Variants in PKHD1 observed in about 807,000 individuals in gnomAD.
The protein encoded by PKHD1 is PKHD1 ciliary IPT domain containing fibrocystin/polyductin.
In PKHD1, 291 loss-of-function variants were observed where a neutral mutation model predicts 412.0. The ratio of observed to expected loss-of-function variants is 0.71; its 90% CI spans 0.64 to 0.78. PKHD1 has a LOEUF of 0.78. PKHD1 is among the 30% of genes least tolerant of loss of function. PKHD1 has a pLI of 0.00. For missense variants in PKHD1, 4,825 were observed against 4,950.7 expected (o/e 0.97, Z 0.76); for synonymous variants, 1,777 against 1,821.5 (o/e 0.98, Z 0.62).
At chr6:51,779,657 G>A (rs2151184089) in intron 53 of PKHD1, among the ~76,000 whole-genome samples, 1 of 152,018 alleles carries the variant, frequency 6.6e-6, no homozygotes, top group South Asian at 2.1e-4. Flanking sequence ...AATTTCACCA[G>A]TAAATTACAA....
intron 50 of PKHD1, among the ~76,000 whole-genome samples, chr6:51,842,986 T>A (rs1227831553): frequency 6.6e-6 from 1 of 152,240 alleles, no homozygotes. Flanking sequence ...CCCTTTGAAG[T>A]GGAGCTGAGC....
intron 5 of PKHD1, among the ~76,000 whole-genome samples, chr6:52,079,083 T>C (rs969472580): frequency 5.9e-5 from 9 of 152,128 alleles, no homozygotes; most frequent in Admixed American, 5.2e-4. Flanking sequence ...TAAACAGAGG[T>C]ACCCCATGTG....
chr6:51,761,284 A>G (rs757278708), intron 55 of PKHD1, among the ~76,000 whole-genome samples: 1 of 152,128 alleles, frequency 6.6e-6, no homozygotes, highest in Non-Finnish European at 1.5e-5. Context: ...ATCAACATAG[A>G]TGAACCTGGA....
chr6:51,937,333 C>T (rs1266894), intron 36 of PKHD1, among the ~76,000 whole-genome samples: 2,886 of 152,262 alleles, frequency 0.019, 88 homozygotes, highest in African/African-American at 0.065. Context: ...CAAGCTGTAG[C>T]CTGACCATCT....
intron 53 of PKHD1, among the ~76,000 whole-genome samples, chr6:51,781,646 G>A (rs1469590589): frequency 6.6e-6 from 1 of 151,856 alleles, no homozygotes; most frequent in Admixed American, 6.6e-5. Flanking sequence ...AATAGTATAT[G>A]GCACAGTGTC....
At chr6:51,940,062 G>A (rs555052704) in intron 36 of PKHD1, among the ~76,000 whole-genome samples, 4 of 151,472 alleles carry the variant, frequency 2.6e-5, no homozygotes, top group African/African-American at 9.7e-5. Context: ...TTAGCATTTA[G>A]GCTCTTTTTC....
chr6:51,687,552 C>T (rs1438217807), intron 60 of PKHD1, among the ~76,000 whole-genome samples: 2 of 152,186 alleles, frequency 1.3e-5, no homozygotes, highest in Non-Finnish European at 2.9e-5. Flanking sequence ...CCATTGCACA[C>T]ATTTTGCCAC....
At chr6:51,862,842 G>A (rs2151731753) in intron 48 of PKHD1, among the ~76,000 whole-genome samples, 1 of 152,262 alleles carries the variant, frequency 6.6e-6, no homozygotes, top group South Asian at 2.1e-4. Flanking sequence ...CCACCTGGGA[G>A]GTTTTGCTGG....
chr6:52,042,751 G>A, intron 27 of PKHD1, 108 bp downstream of exon 27: 1 of 996,570 alleles, frequency 1.0e-6, no homozygotes, highest in Non-Finnish European at 1.6e-6. Flanking sequence ...ACAAAAGACA[G>A]TGAGTCACAG....
At chr6:51,910,538 T>G (rs1338796576) in intron 39 of PKHD1, among the ~76,000 whole-genome samples, 1 of 152,166 alleles carries the variant, frequency 6.6e-6, no homozygotes, top group Non-Finnish European at 1.5e-5. Context: ...AGAAATGACT[T>G]ATTTTGAGAA....
intron 50 of PKHD1, among the ~76,000 whole-genome samples, chr6:51,846,564 A>G (rs1771195278): frequency 6.6e-6 from 1 of 152,226 alleles, no homozygotes; most frequent in Non-Finnish European, 1.5e-5. Flanking sequence ...CAGAGAGACC[A>G]ATGCTGACAT....
Position 51,791,317 on chromosome 6 carries a change from C to G in PKHD1, c.8359G>C (p.Gly2787Arg). The change falls in exon 53 of 67, where the codon GGG becomes CGG. Residue 2787 changes from glycine (G) to arginine (R), a missense_variant. Transcript: ENST00000371117. ...CTGTCCACAGGGAAGTCTAAGGTCCCCATCACATACAGCCCTTTGAAGAAT... is the reference window on the plus strand; with the variant it reads ...CTGTCCACAGGGAAGTCTAAGGTCCGCATCACATACAGCCCTTTGAAGAAT... ...LPFFKGLYVM[G>R]TLDFPVDRSN... 1 of 1,613,208 alleles carries G rather than the reference C, an allele frequency of 6.2e-7. No individual in the cohort carries two copies. The highest frequency in any genetic ancestry group is 8.5e-7 in the Non-Finnish European group (1 of 1,179,200).
At position 51,830,751 on chromosome 6, in the gene PKHD1, G is replaced by A. The variant is rs771501158; in HGVS notation, c.8302+110C>T. ...AGAGGAAGAATGAAACAACATAAGT[G>A]CCTACTTATTTCCAAACTCTTTACT... On this transcript the variant is annotated intron_variant, in intron 52 of 66. Transcript: ENST00000371117. 3.6e-4 allele frequency: 365 copies of A among 1,023,928 alleles called. 2 individuals carry two copies. Among genetic ancestry groups the A allele is most frequent in the Non-Finnish European group, 5.2e-4 (337 of 653,096 alleles). The allele number at this position is 1,023,928 out of a possible 1,614,324, so 63.4% of individuals were successfully genotyped here.
chr6:52,075,413 T>C (rs16882068), intron 6 of PKHD1, among the ~76,000 whole-genome samples: 1,760 of 152,280 alleles, frequency 0.012, 32 homozygotes, highest in African/African-American at 0.04. Flanking sequence ...ACTCTTACCA[T>C]TTTGGAAACT....
intron 63 of PKHD1, among the ~76,000 whole-genome samples, chr6:51,644,397 G>A (rs1769805417): frequency 6.6e-6 from 1 of 152,096 alleles, no homozygotes; most frequent in Admixed American, 6.5e-5. Context: ...AATAATAAAC[G>A]CAATTAGAAG....
Position 51,916,768 on chromosome 6 carries a change from C to T in PKHD1, c.6122-4192G>A, listed in dbSNP as rs143932139. ...TCCTTTCTGTACCACAAATCAAAAA[C>T]ACATAAAACTACGCATAAAAAGCTC... is the stretch of plus-strand genomic sequence containing the variant. On this transcript the variant is annotated intron_variant, in intron 37 of 66. Coordinates refer to ENST00000371117, the MANE Select transcript of PKHD1 (RefSeq NM_138694.4). 2.6e-4 allele frequency among the ~76,000 whole-genome samples: 39 copies of T among 152,216 alleles called. 1 individual carries two copies. Among genetic ancestry groups the T allele is most frequent in the African/African-American group, 9.4e-4 (39 of 41,560 alleles).
intron 43 of PKHD1, among the ~76,000 whole-genome samples, chr6:51,902,418 C>G (rs556094032): frequency 1.3e-5 from 2 of 152,282 alleles, no homozygotes; most frequent in South Asian, 2.1e-4. Flanking sequence ...CCGTGTAGTT[C>G]TGCTTCCTTT....
intron 27 of PKHD1, among the ~76,000 whole-genome samples, chr6:52,036,186 A>G (rs2128170138): frequency 6.6e-6 from 1 of 152,332 alleles, no homozygotes; most frequent in Middle Eastern, 3.4e-3. Flanking sequence ...ATGGTCCCTG[A>G]GCTGAAGGGT....
chr6:51,937,234 C>A (rs1180853182), intron 36 of PKHD1, among the ~76,000 whole-genome samples: 1 of 152,178 alleles, frequency 6.6e-6, no homozygotes, highest in African/African-American at 2.4e-5. Flanking sequence ...GAAGCCCCCA[C>A]TCCTACTTGT....
Sources: gnomAD v4.1 joint callset for allele counts (sites outside exome capture counted in the v4.1 genomes callset) on GRCh38, gnomAD v4.1.1 for gene constraint, MANE v1.5 for transcripts, NCBI Gene and HGNC (gene_info 2026-07-23, HGNC 2026-07-21) for gene names.